TENM2: variants seen among roughly 807,000 people sequenced by gnomAD.
The protein encoded by TENM2 is teneurin-2.
A neutral mutation model predicts 245.2 loss-of-function variants in TENM2; 52 were observed. The ratio of observed to expected loss-of-function variants is 0.21; its 90% confidence interval spans 0.17 to 0.27. TENM2 has a LOEUF of 0.27. TENM2 is among the 10% of genes least tolerant of loss of function. TENM2 has a pLI of 1.00. For missense variants in TENM2, 3,046 were observed against 3,666.8 expected (o/e 0.83, Z 4.37); for synonymous variants, 1,363 against 1,438.9 (o/e 0.95, Z 1.19).
chr5:167,388,231 AT>A (rs1450172758), intron 2 of TENM2, among the ~76,000 whole-genome samples: 20 of 152,154 alleles, frequency 1.3e-4, no homozygotes, highest in African/African-American at 4.8e-4. Flanking sequence ...ATTCTTCCTG[AT>A]TTAAGCTAGG....
At chr5:168,065,524 G>T (rs369078339) in intron 7 of TENM2, among the ~76,000 whole-genome samples, 1 of 152,130 alleles carries the variant, frequency 6.6e-6, no homozygotes, top group Non-Finnish European at 1.5e-5. Context: ...AAACGAAAGC[G>T]CAATAGAAAG....
At chr5:167,401,956 A>G (rs1411245786) in intron 2 of TENM2, among the ~76,000 whole-genome samples, 1 of 152,150 alleles carries the variant, frequency 6.6e-6, no homozygotes, top group Non-Finnish European at 1.5e-5. Context: ...TCCCCAACCA[A>G]CAAATGCATA....
At chr5:167,299,235 C>T (rs558761873) in intron 1 of TENM2, among the ~76,000 whole-genome samples, 55 of 152,212 alleles carry the variant, frequency 3.6e-4, no homozygotes, top group African/African-American at 1.3e-3. Context: ...GCTGATTTGA[C>T]TAATAAAGGC....
chr5:167,103,686 T>G, the TENM2 span, among the ~76,000 whole-genome samples: 2 of 152,160 alleles, frequency 1.3e-5, no homozygotes, highest in Non-Finnish European at 2.9e-5. Flanking sequence ...CCATCCATTC[T>G]CCCTGTGAAT....
intron 2 of TENM2, among the ~76,000 whole-genome samples, chr5:167,417,940 A>T (rs1268348495): frequency 2.0e-5 from 3 of 152,076 alleles, no homozygotes; most frequent in Non-Finnish European, 4.4e-5. Flanking sequence ...TTGCATTTTC[A>T]TATTTGTTTT....
chr5:167,884,732 T>C (rs1481372653), intron 3 of TENM2, among the ~76,000 whole-genome samples: 1 of 152,214 alleles, frequency 6.6e-6, no homozygotes, highest in Non-Finnish European at 1.5e-5. Context: ...TACAAATAAT[T>C]GTTTGAGCAC....
the TENM2 span, among the ~76,000 whole-genome samples, chr5:167,224,638 T>C: frequency 2.0e-5 from 3 of 152,088 alleles, no homozygotes; most frequent in Non-Finnish European, 2.9e-5. Flanking sequence ...TCTAGCCTTG[T>C]TCTTTTTACT....
At chr5:167,917,360 G>T (rs190196416) in intron 3 of TENM2, among the ~76,000 whole-genome samples, 103 of 152,246 alleles carry the variant, frequency 6.8e-4, no homozygotes, top group African/African-American at 2.4e-3. Flanking sequence ...AGTCTCGGGG[G>T]GTTGTAGGGA....
At chr5:167,963,663 G>A (rs1171253076) in intron 4 of TENM2, among the ~76,000 whole-genome samples, 2 of 152,216 alleles carry the variant, frequency 1.3e-5, no homozygotes, top group Non-Finnish European at 2.9e-5. Context: ...TGCAAAGCGT[G>A]TCTCTTTAGT....
the TENM2 span, among the ~76,000 whole-genome samples, chr5:167,273,876 G>A: frequency 6.6e-6 from 1 of 152,024 alleles, no homozygotes; most frequent in Non-Finnish European, 1.5e-5. Context: ...GGAATTTGAG[G>A]CCAGGTATGT....
At chr5:167,702,853 C>T (rs1191252456) in intron 2 of TENM2, among the ~76,000 whole-genome samples, 4 of 152,024 alleles carry the variant, frequency 2.6e-5, no homozygotes, top group Admixed American at 6.6e-5. Flanking sequence ...TTAGTAGAGA[C>T]GGTGTTTCAC....
At chr5:167,190,272 A>C in the TENM2 span, among the ~76,000 whole-genome samples, 29 of 152,232 alleles carry the variant, frequency 1.9e-4, no homozygotes, top group Admixed American at 1.6e-3. Context: ...GCAGGGGATG[A>C]GATATCAAGG....
chr5:168,211,735 A>C, exon 20 of TENM2: 1 of 1,328,372 alleles, frequency 7.5e-7, no homozygotes, highest in Non-Finnish European at 1.0e-6. Flanking sequence ...TCTATAAAGA[A>C]ATAAAGAGTT....
At chr5:168,071,990 C>T (rs1179803818) in intron 7 of TENM2, among the ~76,000 whole-genome samples, 1 of 152,142 alleles carries the variant, frequency 6.6e-6, no homozygotes, top group African/African-American at 2.4e-5. Flanking sequence ...TGCGCAGTGC[C>T]TGTGTTTCTG....
intron 9 of TENM2, among the ~76,000 whole-genome samples, chr5:168,104,690 A>G (rs1356248122): frequency 6.6e-6 from 1 of 152,106 alleles, no homozygotes; most frequent in African/African-American, 2.4e-5. Flanking sequence ...ATCTGAAGAC[A>G]TCCTTGCAGT....
intron 13 of TENM2, among the ~76,000 whole-genome samples, chr5:168,174,629 C>T (rs903254920): frequency 2.0e-5 from 3 of 152,176 alleles, no homozygotes; most frequent in African/African-American, 7.2e-5. Flanking sequence ...ACTGACTTAG[C>T]GTAATACGTG....
the TENM2 span, among the ~76,000 whole-genome samples, chr5:167,171,339 C>T: frequency 1.3e-5 from 2 of 152,326 alleles, no homozygotes; most frequent in Non-Finnish European, 2.9e-5. Context: ...CAGTGAAGTC[C>T]TTCCTGACCT....
intron 2 of TENM2, among the ~76,000 whole-genome samples, chr5:167,736,801 T>A (rs182221804): frequency 6.6e-6 from 1 of 152,190 alleles, no homozygotes; most frequent in East Asian, 1.9e-4. Flanking sequence ...TGAGAAGTCT[T>A]GTTCCTATCT....
chr5:167,680,544 G>A (rs2150374246), intron 2 of TENM2, among the ~76,000 whole-genome samples: 1 of 152,240 alleles, frequency 6.6e-6, no homozygotes, highest in East Asian at 1.9e-4. Context: ...AGCACGGAGT[G>A]ACACGAGGAG....
Sources: allele counts gnomAD v4.1 joint callset (sites outside exome capture counted in the v4.1 genomes callset), GRCh38; gene constraint gnomAD v4.1.1; transcripts MANE v1.5; gene names NCBI Gene and HGNC (gene_info 2026-07-23, HGNC 2026-07-21).